Variants in ABL1 observed in about 807,000 individuals in gnomAD.
ABL1 encodes the protein ABL proto-oncogene 1, non-receptor tyrosine kinase, also known as tyrosine-protein kinase ABL1.
In ABL1, 11 loss-of-function variants were observed where a neutral mutation model predicts 94.7. That is an observed-to-expected ratio of 0.12 (90% CI 0.07 to 0.19). ABL1 has a LOEUF of 0.19. Among genes scored for constraint, ABL1 ranks in the 10% least tolerant of loss-of-function variants. The pLI is 1.00. For synonymous variants in ABL1, 656 were observed against 622.4 expected (o/e 1.05, Z -0.80); for missense variants, 1,082 against 1,489.4 (o/e 0.73, Z 4.50).
exon 1 of ABL1, among the ~76,000 whole-genome samples, chr9:130,713,334 C>T (rs1235593387): frequency 6.6e-6 from 1 of 152,198 alleles, no homozygotes; most frequent in Non-Finnish European, 1.5e-5. Flanking sequence ...GTCTGGGCCG[C>T]GAGAGTCCTT....
chr9:130,883,521 G>A (rs947547786), intron 10 of ABL1, among the ~76,000 whole-genome samples: 1 of 149,570 alleles, frequency 6.7e-6, no homozygotes, highest in African/African-American at 2.5e-5. Context: ...CCACACACAC[G>A]CTTTGGTCTC....
chr9:130,856,138 G>T (rs1215925632), intron 3 of ABL1, among the ~76,000 whole-genome samples: 15 of 152,128 alleles, frequency 9.9e-5, no homozygotes, highest in Admixed American at 9.8e-4. Flanking sequence ...GCCCAAGCTG[G>T]AGTGCAATGG....
intron 1 of ABL1, among the ~76,000 whole-genome samples, chr9:130,743,082 G>GT (rs2132714939): frequency 6.6e-6 from 1 of 152,132 alleles, no homozygotes; most frequent in South Asian, 2.1e-4. Flanking sequence ...GTTGATTCTT[G>GT]TTTTTTGGAG....
intron 1 of ABL1, among the ~76,000 whole-genome samples, chr9:130,782,953 G>A (rs1829776893): frequency 6.6e-6 from 1 of 152,064 alleles, no homozygotes; most frequent in Non-Finnish European, 1.5e-5. Context: ...CTCTTACATA[G>A]AAACATTTCC....
upstream of ABL1, among the ~76,000 whole-genome samples, chr9:130,834,328 T>C (rs1229962399): frequency 6.6e-6 from 1 of 152,204 alleles, no homozygotes; most frequent in Non-Finnish European, 1.5e-5. Context: ...ATAAATTCCT[T>C]TTCCTGTCAT....
chr9:130,884,846 C>G lies in ABL1; in HGVS notation c.2556C>G (p.Thr852=), dbSNP rs1202224826. The G allele has an allele frequency of 6.2e-7, 1 of 1,605,530 alleles. No homozygotes were observed. Among genetic ancestry groups the G allele is most frequent in the African/African-American group, 1.3e-5 (1 of 74,868 alleles). The change falls in exon 11 of 11, where the codon ACC becomes ACG. Residue 852 remains threonine, a synonymous_variant. Coordinates refer to ENST00000318560, the MANE Select transcript of ABL1 (RefSeq NM_005157.6). This position sits in a 1 kb window ranked among gnomAD's most constrained non-coding sequence, Gnocchi z 5.6. The part of the protein sequence containing the change: ...LGTPAAAEPV[T]PTSKAGSGAP... ...CCCCTGCTGCAGCTGAGCCAGTGAC[C>G]CCCACCAGCAAAGCAGGCTCAGGTG... is the stretch of plus-strand genomic sequence containing the variant.
intron 1 of ABL1, among the ~76,000 whole-genome samples, chr9:130,733,780 T>C (rs546134792): frequency 4.9e-4 from 75 of 152,008 alleles, no homozygotes; most frequent in Non-Finnish European, 7.1e-4. Context: ...TTAGTAGAGA[T>C]GGGGTTTCAC....
rs1264763396 is a variant in ABL1, at chr9:130,884,196, G to A, written c.1906G>A (p.Glu636Lys). 1 of 1,611,796 alleles carries A rather than the reference G, an allele frequency of 6.2e-7. No individual in the cohort carries two copies. Among genetic ancestry groups the A allele is most frequent in the Non-Finnish European group, 8.5e-7 (1 of 1,179,464 alleles). Residue 636 changes from glutamate (E) to lysine (K), a missense_variant, in exon 11 of 11, where the codon GAA (glutamate) becomes AAA (lysine). By Grantham distance (56) the Glu-to-Lys change is moderately conservative. This residue lies in a region of ABL1 where 780 missense variants were observed against 835.8 expected (regional missense o/e 0.93). Coordinates refer to ENST00000318560, the MANE Select transcript of ABL1 (RefSeq NM_005157.6). This position sits in a 1 kb window ranked among gnomAD's most constrained non-coding sequence, Gnocchi z 5.6. ...GCCGGAGCGCAGAGGGGCCGGCGAG[G>A]AAGAGGGCCGAGACATCAGCAACGG... The part of the protein sequence containing the change: ...GQPERRGAGE[E>K]EGRDISNGAL...
chr9:130,796,460 G>A (rs139959447), intron 1 of ABL1, among the ~76,000 whole-genome samples: 338 of 152,136 alleles, frequency 2.2e-3, no homozygotes, highest in African/African-American at 7.7e-3. Context: ...GCAGTGGGCC[G>A]AGATCAATCA....
At chr9:130,859,496 GCCTT>G (rs1175339298) in intron 3 of ABL1, among the ~76,000 whole-genome samples, 1 of 151,706 alleles carries the variant, frequency 6.6e-6, no homozygotes, top group Non-Finnish European at 1.5e-5. Context: ...TGCGAGGCTT[GCCTT>G]CCTGCTGGTG....
chr9:130,746,177 T>G (rs1260893368), intron 1 of ABL1, among the ~76,000 whole-genome samples: 1 of 152,012 alleles, frequency 6.6e-6, no homozygotes, highest in Admixed American at 6.6e-5. Flanking sequence ...TCAGGGCAGA[T>G]TCTTCTTTCT....
Position 130,814,669 on chromosome 9 carries a change from A to T in ABL1, c.137-39395A>T, listed in dbSNP as rs1384022615. Among the ~76,000 whole-genome samples the T allele has an allele frequency of 6.6e-6, 1 of 151,844 alleles. No homozygotes were observed. The highest frequency in any genetic ancestry group is 1.5e-5 in the Non-Finnish European group (1 of 67,968). On this transcript the variant is annotated intron_variant, in intron 1 of 10. Transcript: ENST00000372348. This position sits in a 1 kb window ranked among gnomAD's most constrained non-coding sequence, Gnocchi z 4.4. The stretch of plus-strand genomic sequence containing the variant: ...GAGGTGGGCGGATCACGAGGTCAGG[A>T]GACCGAGACCATCCTTGCTAACACG...
chr9:130,784,636 G>A (rs1019104994), intron 1 of ABL1, among the ~76,000 whole-genome samples: 1 of 152,166 alleles, frequency 6.6e-6, no homozygotes, highest in Non-Finnish European at 1.5e-5. Flanking sequence ...AGTCTGGTCT[G>A]GTCTGGTCCC....
intron 1 of ABL1, among the ~76,000 whole-genome samples, chr9:130,850,572 T>G (rs1018881987): frequency 4.6e-5 from 7 of 152,234 alleles, no homozygotes; most frequent in Admixed American, 3.9e-4. Flanking sequence ...AGTGGCATGA[T>G]CTCAGCTTAC....
rs1222384991 is a variant in ABL1, at chr9:130,872,667, GAAGAA to G, written c.908-188_908-184del. Among the ~76,000 whole-genome samples, 3 of 152,206 alleles carry G rather than the reference GAAGAA, an allele frequency of 2.0e-5. No homozygotes were observed. The highest frequency in any genetic ancestry group is 4.4e-5 in the Non-Finnish European group (3 of 68,020). ...AAATTCAAGTTCACTGGCTTGAGAA[GAAGAA>G]AAGAGCCTGGCCATGTCCCTCCCAC... On this transcript the variant is annotated intron_variant, in intron 5 of 10. Coordinates refer to ENST00000318560, the MANE Select transcript of ABL1 (RefSeq NM_005157.6). The surrounding 1 kb of genome is among the most constrained non-coding windows in gnomAD (Gnocchi z 5.0).
At chr9:130,824,635 C>T (rs899635600) in intron 1 of ABL1, among the ~76,000 whole-genome samples, 15 of 152,176 alleles carry the variant, frequency 9.9e-5, no homozygotes, top group Admixed American at 1.3e-4. Context: ...GGCACCAGCT[C>T]GTAGGAGGGG....
intron 3 of ABL1, among the ~76,000 whole-genome samples, chr9:130,855,857 A>G (rs1830966030): frequency 6.6e-6 from 1 of 152,196 alleles, no homozygotes; most frequent in Non-Finnish European, 1.5e-5. Context: ...AGTTTATTCT[A>G]CTGCACCAGG....
In ABL1 at chr9:130,835,470, G is replaced by A. The variant is rs1310458180; in HGVS notation, c.24G>A (p.Leu8=). MLEICLK[L]VGCKSKKGLS... ...AAATGTTGGAGATCTGCCTGAAGCT[G>A]GTGGGCTGCAAATCCAAGAAGGGGC... Residue 8 remains leucine (L), a synonymous_variant, in exon 1 of 11, where the codon CTG becomes CTA. Transcript: ENST00000318560. The surrounding 1 kb of genome is among the most constrained non-coding windows in gnomAD (Gnocchi z 4.6). 2 of 1,562,812 alleles carry A rather than the reference G, an allele frequency of 1.3e-6. No individual in the cohort carries two copies. Among genetic ancestry groups the A allele is most frequent in the Non-Finnish European group, 1.7e-6 (2 of 1,153,026 alleles).
At chr9:130,821,322 C>A (rs1359042659) in intron 1 of ABL1, among the ~76,000 whole-genome samples, 1 of 152,156 alleles carries the variant, frequency 6.6e-6, no homozygotes, top group Non-Finnish European at 1.5e-5. Context: ...CCCCAGGCGA[C>A]CATTCATTTG....
Sources: allele counts gnomAD v4.1 joint callset (sites outside exome capture counted in the v4.1 genomes callset), GRCh38; gene constraint gnomAD v4.1.1; regional missense constraint gnomAD v4.1.1; non-coding constraint Gnocchi (gnomAD v3.1); transcripts MANE v1.5; gene names NCBI Gene and HGNC (gene_info 2026-07-23, HGNC 2026-07-21).